Variants in PRP4K observed in about 807,000 individuals in gnomAD.
The protein encoded by PRP4K is serine/threonine-protein kinase PRP4 homolog.
the PRP4K span, among the ~76,000 whole-genome samples, chr6:4,031,391 C>T: frequency 6.6e-6 from 1 of 152,138 alleles, no homozygotes; most frequent in Non-Finnish European, 1.5e-5. Flanking sequence ...TCAGTTCTTG[C>T]CGTAGACCTT....
chr6:4,060,509 G>T, the PRP4K span: 1 of 1,613,896 alleles, frequency 6.2e-7, no homozygotes, highest in South Asian at 1.1e-5. The surrounding 1 kb of genome is among the most constrained non-coding windows in gnomAD (Gnocchi z 4.7). Context: ...ACGTAAGAAA[G>T]TACACCAGCT....
chr6:4,024,964 A>G, the PRP4K span, among the ~76,000 whole-genome samples: 2 of 152,174 alleles, frequency 1.3e-5, no homozygotes, highest in African/African-American at 4.8e-5. Context: ...GTGCCTCAAG[A>G]CATGGGTTTT....
chr6:4,029,300 T>C, the PRP4K span, among the ~76,000 whole-genome samples: 1 of 151,820 alleles, frequency 6.6e-6, no homozygotes, highest in Admixed American at 6.6e-5. Context: ...TTTCCCTTCT[T>C]GTTAATTCCT....
At chr6:4,055,028 A>G in the PRP4K span, among the ~76,000 whole-genome samples, 3 of 152,240 alleles carry the variant, frequency 2.0e-5, no homozygotes, top group South Asian at 6.2e-4. Flanking sequence ...AGGAAAAAAT[A>G]GACCTTAATG....
the PRP4K span, chr6:4,061,954 G>C: frequency 1.3e-5 from 2 of 152,470 alleles, no homozygotes; most frequent in Non-Finnish European, 1.5e-5. Flanking sequence ...TGGTAAGTCA[G>C]GTAAACCATA....
the PRP4K span, chr6:4,031,919 G>T: frequency 6.2e-7 from 1 of 1,613,950 alleles, no homozygotes; most frequent in Non-Finnish European, 8.5e-7. Context: ...CTGGTATGGG[G>T]CTCATTTTGC....
the PRP4K span, chr6:4,064,483 G>A: frequency 6.6e-6 from 1 of 152,476 alleles, no homozygotes; most frequent in Admixed American, 6.6e-5. Flanking sequence ...TTAAGAAATG[G>A]CCCTTTTGAA....
the PRP4K span, among the ~76,000 whole-genome samples, chr6:4,029,491 T>G: frequency 6.6e-6 from 1 of 151,782 alleles, no homozygotes; most frequent in Admixed American, 6.6e-5. Flanking sequence ...TTTTTTATTT[T>G]TAGTAAAGAT....
At chr6:4,042,738 A>G in the PRP4K span, among the ~76,000 whole-genome samples, 340 of 152,300 alleles carry the variant, frequency 2.2e-3, 1 homozygote, top group African/African-American at 7.6e-3. Context: ...TAAAACTGAG[A>G]TGGTTGCTCT....
chr6:4,024,718 T>C, the PRP4K span, among the ~76,000 whole-genome samples: 4 of 152,108 alleles, frequency 2.6e-5, no homozygotes, highest in Non-Finnish European at 4.4e-5. Flanking sequence ...TTCTCCTGTC[T>C]CTGTCTCCCG....
At chr6:4,047,605 G>A in the PRP4K span, among the ~76,000 whole-genome samples, 45 of 152,152 alleles carry the variant, frequency 3.0e-4, no homozygotes, top group South Asian at 1.5e-3. Flanking sequence ...CTCCACTTTG[G>A]GGCCTCTATA....
chr6:4,035,264 T>C, the PRP4K span, among the ~76,000 whole-genome samples: 107 of 142,704 alleles, frequency 7.5e-4, no homozygotes, highest in African/African-American at 2.7e-3. Context: ...ACTACAGGTG[T>C]GCGCCACCAC....
At chr6:4,033,340 T>C in the PRP4K span, among the ~76,000 whole-genome samples, 3 of 152,174 alleles carry the variant, frequency 2.0e-5, no homozygotes, top group East Asian at 5.8e-4. Flanking sequence ...AGAAGAATAG[T>C]ATATGAAATT....
chr6:4,034,595 A>G, the PRP4K span, among the ~76,000 whole-genome samples: 1 of 152,202 alleles, frequency 6.6e-6, no homozygotes, highest in Non-Finnish European at 1.5e-5. Flanking sequence ...AGGATACCAT[A>G]TAGTATTTTG....
the PRP4K span, chr6:4,032,902 C>G: frequency 1.0e-6 from 1 of 958,044 alleles, no homozygotes; most frequent in Non-Finnish European, 1.4e-6. Flanking sequence ...TTAAGTAACC[C>G]AATCCATTAA....
the PRP4K span, chr6:4,031,634 G>C: frequency 6.2e-7 from 1 of 1,600,858 alleles, no homozygotes; most frequent in Admixed American, 1.8e-5. Flanking sequence ...CTCAAAATAA[G>C]CACAGTCGTC....
chr6:4,030,193 T>G, the PRP4K span, among the ~76,000 whole-genome samples: 1 of 152,208 alleles, frequency 6.6e-6, no homozygotes, highest in Non-Finnish European at 1.5e-5. Flanking sequence ...TCTGCCCACC[T>G]TGGCCTCCCA....
At chr6:4,023,355 C>T in the PRP4K span, among the ~76,000 whole-genome samples, 1 of 152,064 alleles carries the variant, frequency 6.6e-6, no homozygotes, top group Admixed American at 6.6e-5. Flanking sequence ...GTTTATTTTC[C>T]TTATTTTAGA....
chr6:4,046,913 C>T, the PRP4K span, among the ~76,000 whole-genome samples: 1 of 152,218 alleles, frequency 6.6e-6, no homozygotes, highest in Admixed American at 6.5e-5. Context: ...CCACCTCAGC[C>T]TCCCAAAGTG....
Sources: gnomAD v4.1 joint callset for allele counts (sites outside exome capture counted in the v4.1 genomes callset) on GRCh38, gnomAD v4.1.1 for gene constraint, Gnocchi (gnomAD v3.1) non-coding constraint, MANE v1.5 for transcripts, NCBI Gene and HGNC (gene_info 2026-07-23, HGNC 2026-07-21) for gene names.